ZSWIM5: variants seen among roughly 807,000 people sequenced by gnomAD.
ZSWIM5 encodes zinc finger SWIM-type containing 5.
Under a neutral mutation model 119.6 loss-of-function variants are expected in ZSWIM5, and 55 were observed. That is an observed-to-expected ratio of 0.46 (90% confidence interval 0.37 to 0.58). The LOEUF is 0.58. Among genes scored for constraint, ZSWIM5 ranks in the 20% least tolerant of loss-of-function variants. The probability of loss-of-function intolerance (pLI) is 0.00; values close to 1 mark genes in which losing one functional copy is unlikely to be tolerated. For synonymous variants in ZSWIM5, 537 were observed against 606.9 expected, an observed-to-expected ratio of 0.88 and a Z score of 1.69; for missense variants, 1,193 against 1,512.8, an observed-to-expected ratio of 0.79 and a Z score of 3.51.
chr1:45,139,995 C>G (rs550672426), intron 1 of ZSWIM5, among the ~76,000 whole-genome samples: 11 of 151,936 alleles, frequency 7.2e-5, no homozygotes, highest in African/African-American at 2.7e-4. Flanking sequence ...GAAAATACAA[C>G]TATTAAAAGA....
intron 4 of ZSWIM5, among the ~76,000 whole-genome samples, chr1:45,055,192 G>A (rs368717895): frequency 9.2e-5 from 14 of 152,202 alleles, no homozygotes; most frequent in South Asian, 6.2e-4. Flanking sequence ...GGGTTTCACC[G>A]TGTCAGCCAG....
chr1:45,026,032 G>A (rs959074649), intron 11 of ZSWIM5, among the ~76,000 whole-genome samples: 2 of 152,052 alleles, frequency 1.3e-5, no homozygotes, highest in Non-Finnish European at 2.9e-5. Flanking sequence ...AAGTATAATG[G>A]TAGTTAGTTG....
intron 1 of ZSWIM5, among the ~76,000 whole-genome samples, chr1:45,106,122 G>A (rs1395516013): frequency 1.5e-4 from 20 of 137,454 alleles, no homozygotes; most frequent in South Asian, 4.7e-4. Flanking sequence ...GCCTCTGTCC[G>A]GCTGCCCCGT....
At chr1:45,189,887 G>A (rs961489279) in intron 1 of ZSWIM5, among the ~76,000 whole-genome samples, 8 of 152,216 alleles carry the variant, frequency 5.3e-5, no homozygotes, top group Admixed American at 5.2e-4. Flanking sequence ...TAACATCAGG[G>A]AGTAGAGGAC....
chr1:45,187,485 A>T (rs1489673324), intron 1 of ZSWIM5, among the ~76,000 whole-genome samples: 1 of 152,164 alleles, frequency 6.6e-6, no homozygotes, highest in Non-Finnish European at 1.5e-5. Flanking sequence ...ACTAGAAAAC[A>T]CTTAGAAGAA....
At position 45,036,247 on chromosome 1, in the gene ZSWIM5, G is replaced by T; in HGVS notation, c.1947C>A (p.Gly649=). ...GGTAGGACTCACTGCTGTTTGGGGA[G>T]CCTGCAGCCACAGGTACATGCTGGT... is the stretch of plus-strand genomic sequence containing the variant. ...PVYQHVPVAA[G]SPNSSESYLS... Residue 649 remains glycine (G), a synonymous_variant, in exon 9 of 14, where the codon GGC becomes GGA. Transcript: ENST00000359600. The T allele has an allele frequency of 6.2e-7, 1 of 1,614,130 alleles. No individual in the cohort carries two copies. Among genetic ancestry groups the T allele is most frequent in the Non-Finnish European group, 8.5e-7 (1 of 1,180,032 alleles).
At chr1:45,110,685 C>T (rs1428911615) in intron 1 of ZSWIM5, among the ~76,000 whole-genome samples, 1 of 151,924 alleles carries the variant, frequency 6.6e-6, no homozygotes, top group Non-Finnish European at 1.5e-5. Context: ...GCAAAATCGA[C>T]AAGAAAAAGA....
intron 5 of ZSWIM5, among the ~76,000 whole-genome samples, chr1:45,044,580 C>T (rs1448299871): frequency 6.9e-5 from 10 of 145,956 alleles, no homozygotes; most frequent in East Asian, 2.0e-4. Context: ...AAAAATTAGC[C>T]GGGCATGGTG....
At chr1:45,091,340 A>G (rs1645363248) in intron 1 of ZSWIM5, among the ~76,000 whole-genome samples, 1 of 152,146 alleles carries the variant, frequency 6.6e-6, no homozygotes, top group Admixed American at 6.5e-5. Context: ...ACTAAATAGT[A>G]ATGTCAATGT....
intron 1 of ZSWIM5, among the ~76,000 whole-genome samples, chr1:45,166,457 A>G (rs1377494199): frequency 1.3e-5 from 2 of 152,120 alleles, no homozygotes; most frequent in Non-Finnish European, 2.9e-5. Context: ...TAGTGTTGGA[A>G]GTTCTGGCCA....
chr1:45,086,300 T>C (rs1411023230), intron 2 of ZSWIM5, among the ~76,000 whole-genome samples: 1 of 152,182 alleles, frequency 6.6e-6, no homozygotes, highest in African/African-American at 2.4e-5. Context: ...CATGGGAGAT[T>C]ACAACTGGAT....
At chr1:45,024,221 G>C (rs12094272) in intron 11 of ZSWIM5, among the ~76,000 whole-genome samples, 85,002 of 142,964 alleles carry the variant, frequency 0.59, 26,375 homozygotes, top group Middle Eastern at 0.76. Context: ...ACGGAGTCTC[G>C]GTCTTGTCGC....
chr1:45,173,863 A>C (rs1645960173), intron 1 of ZSWIM5, among the ~76,000 whole-genome samples: 1 of 152,210 alleles, frequency 6.6e-6, no homozygotes, highest in Non-Finnish European at 1.5e-5. Flanking sequence ...TTATATAACC[A>C]ATAAAGACAT....
chr1:45,063,453 T>C (rs564457388), intron 2 of ZSWIM5, among the ~76,000 whole-genome samples: 80 of 152,298 alleles, frequency 5.3e-4, no homozygotes, highest in African/African-American at 1.9e-3. Context: ...TCTTACTAAA[T>C]TACGTCCAAA....
At chr1:45,028,912 G>A (rs1016228593) in intron 11 of ZSWIM5, among the ~76,000 whole-genome samples, 3 of 152,070 alleles carry the variant, frequency 2.0e-5, no homozygotes, top group Admixed American at 6.6e-5. Flanking sequence ...GGAAGACCTC[G>A]TCTCTACTAA....
At chr1:45,096,434 T>TTGTGTGTGTGTGTG (rs112308838) in intron 1 of ZSWIM5, among the ~76,000 whole-genome samples, 24 of 144,456 alleles carry the variant, frequency 1.7e-4, no homozygotes, top group South Asian at 2.3e-4. Context: ...AGATAACTGT[T>TTGTGTGTGTGTGTG]TGTGTGTGTG....
At chr1:45,095,349 C>T (rs1483883143) in intron 1 of ZSWIM5, among the ~76,000 whole-genome samples, 2 of 152,220 alleles carry the variant, frequency 1.3e-5, no homozygotes, top group South Asian at 2.1e-4. Flanking sequence ...TGGTCTTGAA[C>T]TCCTGGCCTC....
intron 1 of ZSWIM5, among the ~76,000 whole-genome samples, chr1:45,184,223 A>G (rs1646042236): frequency 6.6e-6 from 1 of 152,160 alleles, no homozygotes; most frequent in East Asian, 1.9e-4. Flanking sequence ...AACTCTCAAT[A>G]AATTAGGTAT....
intron 1 of ZSWIM5, among the ~76,000 whole-genome samples, chr1:45,157,357 G>A (rs1645832901): frequency 6.6e-6 from 1 of 151,962 alleles, no homozygotes; most frequent in Non-Finnish European, 1.5e-5. Context: ...GTTGTTGCTG[G>A]TAGAGACAAG....
Sources: gnomAD v4.1 joint callset for allele counts (sites outside exome capture counted in the v4.1 genomes callset) on GRCh38, gnomAD v4.1.1 for gene constraint, MANE v1.5 for transcripts, NCBI Gene and HGNC (gene_info 2026-07-23, HGNC 2026-07-21) for gene names.